Variants in COG2 observed in about 807,000 individuals in gnomAD.
The protein encoded by COG2 is conserved oligomeric Golgi complex subunit 2.
A neutral mutation model predicts 90.6 loss-of-function variants in COG2; 52 were observed. That is an observed-to-expected ratio of 0.57 (90% CI 0.46 to 0.72). The LOEUF (loss-of-function observed/expected upper bound fraction) is 0.72. Among genes scored for constraint, COG2 ranks in the 30% least tolerant of loss-of-function variants. COG2 has a pLI of 0.00. For synonymous variants in COG2, 337 were observed against 320.4 expected, an observed-to-expected ratio of 1.05 and a Z score of -0.55; for missense variants, 829 against 891.2, an observed-to-expected ratio of 0.93 and a Z score of 0.89.
At chr1:230,664,336 G>A (rs534114766) in intron 4 of COG2, 148 bp from the exon 5 acceptor site, 1 of 394,296 alleles carries the variant, frequency 2.5e-6, no homozygotes, top group East Asian at 3.8e-5. Flanking sequence ...TGGGAATTTT[G>A]TGTTATGTAG....
chr1:230,693,408 C>G lies in COG2; in HGVS notation c.*15C>G. 1.3e-6 allele frequency: 2 copies of G among 1,537,730 alleles called. No homozygotes were observed. Among genetic ancestry groups the G allele is most frequent in the Non-Finnish European group, 1.8e-6 (2 of 1,117,030 alleles). ...AGCAGCCTTAAGCATCTTGGAAGAT[C>G]CCGAGGTTAGATTCTTAAGCAAGAG... is the stretch of plus-strand genomic sequence containing the variant. On this transcript the variant is annotated 3_prime_UTR_variant, in exon 18 of 18. Coordinates refer to ENST00000366669, the MANE Select transcript of COG2 (RefSeq NM_007357.3).
intron 4 of COG2, 140 bp downstream of exon 4, chr1:230,663,361 G>A (rs1662238367): frequency 5.7e-6 from 2 of 348,752 alleles, no homozygotes; most frequent in Non-Finnish European, 1.1e-5. Flanking sequence ...TTATATTAAA[G>A]TGTTTATATT....
chr1:230,680,960 A>G (rs1302722790), intron 10 of COG2: 1 of 152,198 alleles, frequency 6.6e-6, no homozygotes, highest in Non-Finnish European at 1.5e-5. Context: ...AAGAAGAAAT[A>G]TTACTCTCAG....
At chr1:230,678,293 T>C (rs1276832299) in intron 9 of COG2, 2 of 985,216 alleles carry the variant, frequency 2.0e-6, no homozygotes, top group Non-Finnish European at 2.4e-6. Flanking sequence ...AGAAGCATCA[T>C]TTGTAAAATG....
intron 1 of COG2, among the ~76,000 whole-genome samples, chr1:230,655,999 T>G (rs1662037573): frequency 6.6e-6 from 1 of 152,348 alleles, no homozygotes; most frequent in African/African-American, 2.4e-5. Flanking sequence ...TTCTTCTTTA[T>G]TAGTCTGGCT....
At chr1:230,692,023 A>G (rs926781334) in intron 17 of COG2, among the ~76,000 whole-genome samples, 4 of 152,110 alleles carry the variant, frequency 2.6e-5, no homozygotes, top group African/African-American at 9.7e-5. Flanking sequence ...ATAAAACACA[A>G]ATTTTAGAAT....
Position 230,683,627 on chromosome 1 carries a change from A to T in COG2, c.1220A>T (p.Asp407Val). The change falls in exon 11 of 18, where the codon GAT (aspartate) becomes GTT (valine). Residue 407 changes from aspartate (D) to valine (V), a missense_variant. Transcript: ENST00000366669. ...GCAGCACTTACAGATGTCCTGGAAG[A>T]TGCCCCAGGTAACTCCCTTAAAGTG... Reference protein sequence around the residue: ...LEAALTDVLEDAPAESPYCLL... With the variant: ...LEAALTDVLEVAPAESPYCLL... The T allele has an allele frequency of 6.2e-7, 1 of 1,610,174 alleles. No individual in the cohort carries two copies. The highest frequency in any genetic ancestry group is 1.1e-5 in the South Asian group (1 of 90,990).
chr1:230,673,891 T>C (rs1662520966), intron 8 of COG2, among the ~76,000 whole-genome samples: 1 of 152,208 alleles, frequency 6.6e-6, no homozygotes, highest in African/African-American at 2.4e-5. Context: ...AGCAGGAAAA[T>C]TATGAAAACT....
At position 230,659,591 on chromosome 1, in the gene COG2, A is replaced by G. The variant is rs1662138943; in HGVS notation, c.200A>G (p.Asp67Gly). The G allele has an allele frequency of 1.9e-6, 3 of 1,613,786 alleles. No homozygotes were observed. The highest frequency in any genetic ancestry group is 3.3e-5 in the Admixed American group (2 of 59,974). ...GCCATGGTCGAACTCATCAACAAGG[A>G]TTATGCAGATTTTGTCAATCTTTCA... ...KTAMVELINK[D>G]YADFVNLSTN... Residue 67 changes from aspartate to glycine, a missense_variant, in exon 2 of 18, where the codon GAT (aspartate) becomes GGT (glycine). Physicochemically the swap from Asp to Gly is moderately conservative, Grantham distance 94 (BLOSUM62 -1). Coordinates refer to ENST00000366669, the MANE Select transcript of COG2 (RefSeq NM_007357.3).
intron 2 of COG2, 50 bp downstream of exon 2, chr1:230,659,675 A>C: frequency 1.9e-6 from 3 of 1,559,628 alleles, no homozygotes; most frequent in Non-Finnish European, 1.7e-6. Flanking sequence ...TTTCTTTCTC[A>C]CTCATACTTA....
At chr1:230,655,423 C>T (rs1433303917) in intron 1 of COG2, among the ~76,000 whole-genome samples, 1 of 152,146 alleles carries the variant, frequency 6.6e-6, no homozygotes, top group Non-Finnish European at 1.5e-5. Flanking sequence ...TGTGTTGAAC[C>T]AGCCTTGCGT....
chr1:230,668,860 T>G, intron 6 of COG2, 76 bp downstream of exon 6: 1 of 917,922 alleles, frequency 1.1e-6, no homozygotes, highest in Non-Finnish European at 1.7e-6. Context: ...CTAGTAATAT[T>G]GTTGATCTAC....
chr1:230,642,699 C>T (rs1393034319), intron 1 of COG2, 21 bp downstream of exon 1: 4 of 1,607,260 alleles, frequency 2.5e-6, no homozygotes, highest in Non-Finnish European at 3.4e-6. Flanking sequence ...CGTCCGCTCC[C>T]CGGAGCCGGG....
intron 1 of COG2, among the ~76,000 whole-genome samples, chr1:230,646,768 C>G (rs890667688): frequency 6.6e-6 from 1 of 152,094 alleles, no homozygotes; most frequent in African/African-American, 2.4e-5. Context: ...AATACTAGAC[C>G]TGAGGTAATC....
At chr1:230,644,029 T>C (rs916406138) in intron 1 of COG2, among the ~76,000 whole-genome samples, 2 of 152,194 alleles carry the variant, frequency 1.3e-5, no homozygotes, top group African/African-American at 4.8e-5. Flanking sequence ...TCTTGACTTC[T>C]TAAGGCTCAA....
intron 8 of COG2, among the ~76,000 whole-genome samples, chr1:230,673,197 CTTTAGTGGATCT>C (rs1481330459): frequency 6.6e-6 from 1 of 152,170 alleles, no homozygotes; most frequent in Non-Finnish European, 1.5e-5. Flanking sequence ...AGCTTCAAAG[CTTTAGTGGATCT>C]TTTCCACAGT....
intron 10 of COG2, chr1:230,683,362 A>T: frequency 4.1e-6 from 2 of 489,762 alleles, no homozygotes; most frequent in Non-Finnish European, 7.3e-6. Context: ...TGCAAATAAC[A>T]GAGAACCCTT....
At chr1:230,665,269 GTGT>G (rs1028023686) in intron 5 of COG2, among the ~76,000 whole-genome samples, 1 of 152,136 alleles carries the variant, frequency 6.6e-6, no homozygotes, top group Non-Finnish European at 1.5e-5. Context: ...CTGTGTCTTG[GTGT>G]TGTCATCTCT....
At chr1:230,646,621 G>A (rs538396796) in intron 1 of COG2, among the ~76,000 whole-genome samples, 3 of 152,046 alleles carry the variant, frequency 2.0e-5, no homozygotes, top group Non-Finnish European at 4.4e-5. Context: ...CATGTGCACA[G>A]CGCCTTGACA....
Sources: gnomAD v4.1 joint callset for allele counts (sites outside exome capture counted in the v4.1 genomes callset) on GRCh38, gnomAD v4.1.1 for gene constraint, MANE v1.5 for transcripts, NCBI Gene and HGNC (gene_info 2026-07-23, HGNC 2026-07-21) for gene names.